Variants in EPB41 observed in about 807,000 individuals in gnomAD.
EPB41 encodes the protein erythrocyte membrane protein band 4.1.
EPB41 carries 65 observed loss-of-function variants against 108.0 expected under a neutral mutation model. The observed-to-expected ratio is 0.60, with a 90% CI of 0.49 to 0.74. The LOEUF (loss-of-function observed/expected upper bound fraction) is 0.74, where lower values mean the gene tolerates loss of function less well. EPB41 is among the 30% of genes least tolerant of loss of function. EPB41 has a pLI of 0.00. For synonymous variants in EPB41, 336 were observed against 358.9 expected, an observed-to-expected ratio of 0.94 and a Z score of 0.72; for missense variants, 875 against 1,037.0, an observed-to-expected ratio of 0.84 and a Z score of 2.15.
chr1:28,891,054 C>T (rs1348567808), intron 1 of EPB41: 1 of 918,260 alleles, frequency 1.1e-6, no homozygotes, highest in African/African-American at 1.8e-5. Context: ...TCCAGGTCAG[C>T]CAGGGCCCAC....
chr1:29,008,741 C>T (rs1174004422), intron 4 of EPB41, among the ~76,000 whole-genome samples: 2 of 152,192 alleles, frequency 1.3e-5, no homozygotes, highest in African/African-American at 4.8e-5. Context: ...CCCTCCATGT[C>T]TGGTCCTTAC....
At chr1:28,937,486 A>C (rs1260646602) in intron 1 of EPB41, among the ~76,000 whole-genome samples, 18 of 152,188 alleles carry the variant, frequency 1.2e-4, no homozygotes, top group Admixed American at 7.2e-4. Context: ...CCTCTGCCTC[A>C]CAGGCTCAAG....
At chr1:28,947,354 G>A (rs1425892281) in intron 1 of EPB41, among the ~76,000 whole-genome samples, 1 of 151,898 alleles carries the variant, frequency 6.6e-6, no homozygotes, top group Non-Finnish European at 1.5e-5. Context: ...GTTGCAGTGG[G>A]CGGAGATCGC....
intron 1 of EPB41, among the ~76,000 whole-genome samples, chr1:28,941,817 A>T (rs1355450720): frequency 6.7e-6 from 1 of 149,918 alleles, no homozygotes; most frequent in African/African-American, 2.4e-5. Flanking sequence ...TCGCTTGAAC[A>T]CAGGAGGCGG....
chr1:29,009,019 T>A (rs2149877294), intron 4 of EPB41, among the ~76,000 whole-genome samples: 1 of 152,320 alleles, frequency 6.6e-6, no homozygotes, highest in East Asian at 1.9e-4. Flanking sequence ...TGCTCTATCA[T>A]AGCACTAGCA....
intron 16 of EPB41, among the ~76,000 whole-genome samples, chr1:29,083,566 C>G (rs1021203166): frequency 6.6e-6 from 1 of 152,054 alleles, no homozygotes; most frequent in Non-Finnish European, 1.5e-5. Context: ...ATGGCTTTTG[C>G]AAAAGAAGCC....
intron 17 of EPB41, among the ~76,000 whole-genome samples, chr1:29,104,946 C>A (rs1666654452): frequency 6.6e-6 from 1 of 151,842 alleles, no homozygotes; most frequent in Non-Finnish European, 1.5e-5. Flanking sequence ...TGATCTCGAA[C>A]TCCTGGGCTC....
intron 1 of EPB41, among the ~76,000 whole-genome samples, chr1:28,940,773 A>G (rs918179011): frequency 6.6e-6 from 1 of 152,188 alleles, no homozygotes; most frequent in Non-Finnish European, 1.5e-5. Flanking sequence ...GGAAACAAAA[A>G]CATCCAGAGT....
In EPB41 at chr1:28,907,462, C is replaced by T. The variant is rs532656639; in HGVS notation, c.-8+20252C>T. 4.6e-5 allele frequency among the ~76,000 whole-genome samples: 7 copies of T among 152,064 alleles called. No homozygotes were observed. In the East Asian group the frequency reaches 5.8e-4, roughly 13 times the overall value. On this transcript the variant is annotated intron_variant, in intron 1 of 16. Coordinates refer to the EPB41 transcript ENST00000347529. ...ATCCTCCTCCCTCAGCCTCCCAAAG[C>T]GCTGGGATTACATTACCCCTATGCA...
intron 1 of EPB41, among the ~76,000 whole-genome samples, chr1:28,918,731 G>A (rs1261338486): frequency 1.3e-5 from 2 of 152,148 alleles, no homozygotes; most frequent in Non-Finnish European, 2.9e-5. Context: ...ATTCCAGCCT[G>A]GGCAACAGAG....
chr1:28,970,950 C>T (rs185993314), intron 1 of EPB41, among the ~76,000 whole-genome samples: 18 of 151,234 alleles, frequency 1.2e-4, no homozygotes, highest in South Asian at 4.2e-4. Flanking sequence ...CAGGTTCAGA[C>T]GATTCTCCTG....
chr1:28,968,433 C>T (rs942796010), intron 1 of EPB41, among the ~76,000 whole-genome samples: 23 of 152,072 alleles, frequency 1.5e-4, no homozygotes, highest in African/African-American at 5.6e-4. Context: ...TCATGACTGT[C>T]TTTAATCATT....
intron 1 of EPB41, among the ~76,000 whole-genome samples, chr1:28,974,573 G>A (rs541824034): frequency 5.9e-5 from 9 of 152,084 alleles, no homozygotes; most frequent in Non-Finnish European, 1.2e-4. Flanking sequence ...ATATTTTGGC[G>A]GTAGAGTGTA....
intron 16 of EPB41, among the ~76,000 whole-genome samples, chr1:29,091,463 C>A (rs1661151016): frequency 1.3e-5 from 2 of 152,100 alleles, no homozygotes; most frequent in African/African-American, 4.8e-5. Flanking sequence ...GAGATAAGTG[C>A]CCTGGAAAGT....
chr1:28,966,614 G>A (rs2095362626), intron 1 of EPB41, among the ~76,000 whole-genome samples: 1 of 152,156 alleles, frequency 6.6e-6, no homozygotes, highest in African/African-American at 2.4e-5. Context: ...AAATAAAGCA[G>A]GAGAATGAAG....
chr1:28,924,751 A>G (rs1158436893), intron 1 of EPB41, among the ~76,000 whole-genome samples: 1 of 152,212 alleles, frequency 6.6e-6, no homozygotes, highest in East Asian at 1.9e-4. Flanking sequence ...TATCATAAGT[A>G]CATTGGGACA....
intron 1 of EPB41, among the ~76,000 whole-genome samples, chr1:28,905,163 C>T (rs973132915): frequency 8.6e-5 from 13 of 151,992 alleles, no homozygotes; most frequent in Admixed American, 8.5e-4. Flanking sequence ...TGCGCCACTG[C>T]ACTCCAGCCG....
upstream of EPB41, among the ~76,000 whole-genome samples, chr1:28,913,219 A>T (rs2092348998): frequency 6.6e-6 from 1 of 151,964 alleles, no homozygotes; most frequent in African/African-American, 2.4e-5. Flanking sequence ...GAGGCCGAGA[A>T]GGGCGGATCA....
At chr1:29,024,227 C>T (rs1412665912) in intron 7 of EPB41, among the ~76,000 whole-genome samples, 7 of 151,838 alleles carry the variant, frequency 4.6e-5, no homozygotes, top group African/African-American at 1.2e-4. Context: ...CCCAACTACT[C>T]TGGAGGCTGA....
Sources: allele counts gnomAD v4.1 joint callset (sites outside exome capture counted in the v4.1 genomes callset), GRCh38; gene constraint gnomAD v4.1.1; transcripts MANE v1.5; gene names NCBI Gene and HGNC (gene_info 2026-07-23, HGNC 2026-07-21).